The following POU6F2 variants were observed in gnomAD, a reference collection of about 807,000 sequenced individuals.
POU6F2 encodes the protein POU domain, class 6, transcription factor 2.
Under a neutral mutation model 71.3 loss-of-function variants are expected in POU6F2, and 31 were observed. The observed-to-expected ratio is 0.43, with a 90% confidence interval of 0.33 to 0.59. The LOEUF is 0.59. Ranked by LOEUF, POU6F2 falls within the 20% of genes least tolerant of loss-of-function variation. The pLI, the probability that POU6F2 is intolerant of heterozygous loss-of-function variation, is 0.04. For missense variants in POU6F2, 783 were observed against 856.8 expected, an observed-to-expected ratio of 0.91 and a Z score of 1.07; for synonymous variants, 347 against 355.7, an observed-to-expected ratio of 0.98 and a Z score of 0.27.
chr7:39,099,978 T>C (rs773239210), intron 2 of POU6F2, among the ~76,000 whole-genome samples: 1 of 152,198 alleles, frequency 6.6e-6, no homozygotes, highest in South Asian at 2.1e-4. Flanking sequence ...GAGCATAAGC[T>C]TTGCTCTGGA....
chr7:39,299,079 T>TG (rs1784905179), intron 4 of POU6F2, among the ~76,000 whole-genome samples: 1 of 152,034 alleles, frequency 6.6e-6, no homozygotes, highest in Non-Finnish European at 1.5e-5. Context: ...ACCTAGATGA[T>TG]GGGTTGATAG....
At chr7:39,406,460 G>A (rs1787430066) in intron 5 of POU6F2, 140 bp from the exon 6 acceptor site, 2 of 933,414 alleles carry the variant, frequency 2.1e-6, no homozygotes, top group East Asian at 2.5e-5. Context: ...GGGAATGTTC[G>A]CCACGCCCCT....
chr7:39,179,110 T>C (rs1793384342), intron 2 of POU6F2, among the ~76,000 whole-genome samples: 1 of 152,202 alleles, frequency 6.6e-6, no homozygotes, highest in African/African-American at 2.4e-5. Context: ...GTATTCCACC[T>C]TATTATAGCA....
At chr7:39,362,031 T>A (rs1449028592) in intron 5 of POU6F2, among the ~76,000 whole-genome samples, 1 of 152,228 alleles carries the variant, frequency 6.6e-6, no homozygotes, top group East Asian at 1.9e-4. Flanking sequence ...TATCTGGTGG[T>A]GATGTCTGAG....
chr7:39,264,214 G>A (rs1307889813), intron 4 of POU6F2, among the ~76,000 whole-genome samples: 1 of 152,156 alleles, frequency 6.6e-6, no homozygotes, highest in East Asian at 1.9e-4. Context: ...AGCATTCAAT[G>A]ATTTAGTGTC....
intron 5 of POU6F2, among the ~76,000 whole-genome samples, chr7:39,378,563 A>G (rs1444720733): frequency 6.6e-6 from 1 of 152,120 alleles, no homozygotes; most frequent in Non-Finnish European, 1.5e-5. Context: ...ACTCTGCCTC[A>G]AAGTCTATGC....
chr7:39,322,478 T>C (rs990332825), intron 4 of POU6F2, among the ~76,000 whole-genome samples: 1 of 152,238 alleles, frequency 6.6e-6, no homozygotes, highest in Non-Finnish European at 1.5e-5. Flanking sequence ...CATTTTTCGC[T>C]CTTTTAAGAT....
At chr7:39,342,885 AAGAT>A (rs1439853170) in intron 5 of POU6F2, among the ~76,000 whole-genome samples, 1 of 152,196 alleles carries the variant, frequency 6.6e-6, no homozygotes, top group Non-Finnish European at 1.5e-5. Flanking sequence ...AAGTTGTTTT[AAGAT>A]AGATAGGAGT....
chr7:39,250,674 C>T (rs1379439370), intron 4 of POU6F2, among the ~76,000 whole-genome samples: 1 of 152,154 alleles, frequency 6.6e-6, no homozygotes, highest in Non-Finnish European at 1.5e-5. Context: ...GCACCTTAAT[C>T]CCAGATGGCA....
At position 39,435,645 on chromosome 7, in the gene POU6F2, T is replaced by C. The variant is rs574324980; in HGVS notation, c.1320+2362T>C. Among the ~76,000 whole-genome samples the C allele has an allele frequency of 2.0e-5, 3 of 152,354 alleles. No individual in the cohort carries two copies. In the South Asian group the frequency reaches 6.2e-4, roughly 32 times the overall value. The stretch of plus-strand genomic sequence containing the variant: ...CTCTTTAGTTTAATTAGATCTCATT[T>C]GTCAATTTTGGCATTTCTTGCCATT... On this transcript the variant is annotated intron_variant, in intron 7 of 9. Transcript: ENST00000518318.
intron 5 of POU6F2, among the ~76,000 whole-genome samples, chr7:39,373,863 T>C (rs1260470283): frequency 2.0e-5 from 3 of 152,228 alleles, no homozygotes; most frequent in Non-Finnish European, 4.4e-5. Flanking sequence ...CTCTTAATTA[T>C]ATTCATTCCA....
intron 1 of POU6F2, among the ~76,000 whole-genome samples, chr7:39,002,483 G>A (rs111635513): frequency 0.017 from 2,519 of 152,250 alleles, 68 homozygotes; most frequent in African/African-American, 0.058. Context: ...AAGGGGCTGG[G>A]ACTACAGGCA....
intron 1 of POU6F2, among the ~76,000 whole-genome samples, chr7:39,045,855 A>G (rs1251469815): frequency 1.3e-5 from 2 of 151,700 alleles, no homozygotes; most frequent in Non-Finnish European, 2.9e-5. Context: ...TTACCCATTC[A>G]TAGTTGACAG....
intron 4 of POU6F2, among the ~76,000 whole-genome samples, chr7:39,230,926 C>T (rs1794560726): frequency 6.6e-6 from 1 of 151,614 alleles, no homozygotes; most frequent in Non-Finnish European, 1.5e-5. Flanking sequence ...TAGTTTTCAA[C>T]TGGGGGTGAG....
At chr7:39,451,722 G>A (rs753080690) in intron 8 of POU6F2, 21 bp downstream of exon 8, 21 of 1,555,720 alleles carry the variant, frequency 1.3e-5, no homozygotes, top group African/African-American at 1.2e-4. Context: ...TTTCTGGCTC[G>A]GTTTAAATCG....
At chr7:39,052,620 A>G (rs988941673) in intron 1 of POU6F2, among the ~76,000 whole-genome samples, 1 of 152,124 alleles carries the variant, frequency 6.6e-6, no homozygotes, top group Non-Finnish European at 1.5e-5. Context: ...TATGGGGATT[A>G]CAGATTAAGG....
At chr7:39,404,423 A>T (rs1436249423) in intron 5 of POU6F2, among the ~76,000 whole-genome samples, 2 of 152,222 alleles carry the variant, frequency 1.3e-5, no homozygotes, top group South Asian at 2.1e-4. Flanking sequence ...TGATCAACAT[A>T]GATGTTAGGG....
chr7:39,152,713 CTT>C (rs1359428990), intron 2 of POU6F2, among the ~76,000 whole-genome samples: 2 of 152,182 alleles, frequency 1.3e-5, no homozygotes, highest in South Asian at 4.1e-4. Context: ...ACTCAGGACA[CTT>C]TAATTTCAGA....
intron 1 of POU6F2, among the ~76,000 whole-genome samples, chr7:39,027,152 A>G (rs1789826789): frequency 6.6e-6 from 1 of 152,158 alleles, no homozygotes; most frequent in South Asian, 2.1e-4. Context: ...TGAAGATTAT[A>G]GTGTACTCCC....
Sources: allele counts gnomAD v4.1 joint callset (sites outside exome capture counted in the v4.1 genomes callset), GRCh38; gene constraint gnomAD v4.1.1; transcripts MANE v1.5; gene names NCBI Gene and HGNC (gene_info 2026-07-23, HGNC 2026-07-21).